SLC39A9: variants seen among roughly 807,000 people sequenced by gnomAD.
SLC39A9 encodes zinc transporter ZIP9.
Under a neutral mutation model 28.4 loss-of-function variants are expected in SLC39A9, and 14 were observed. That is an observed-to-expected ratio of 0.49 (90% CI 0.33 to 0.77). The LOEUF (loss-of-function observed/expected upper bound fraction) is 0.77, where lower values mean the gene tolerates loss of function less well. SLC39A9 is among the 30% of genes least tolerant of loss of function. The pLI is 0.02. For synonymous variants in SLC39A9, 119 were observed against 149.6 expected (o/e 0.80, Z 1.49); for missense variants, 283 against 381.1 (o/e 0.74, Z 2.14).
chr14:69,425,969 T>A (rs1474267801), intron 2 of SLC39A9, among the ~76,000 whole-genome samples: 1 of 152,118 alleles, frequency 6.6e-6, no homozygotes. Flanking sequence ...CCAGCCCAGG[T>A]GTAGTTTAAG....
rs186446331 is a variant in SLC39A9, at chr14:69,423,318, T to C, written c.97-776T>C. Among the ~76,000 whole-genome samples the C allele has an allele frequency of 2.9e-3, 447 of 152,288 alleles. 3 individuals carry two copies. Among genetic ancestry groups the C allele is most frequent in the African/African-American group, 0.01 (435 of 41,572 alleles). ...TGAGTGGTGTGGTACTCTGATGAAA[T>C]TTATAGTTTATTTAGCCAGTCTCCT... On this transcript the variant is annotated intron_variant, in intron 1 of 6. Transcript: ENST00000336643.
At chr14:69,448,782 C>T (rs1211651245) in intron 3 of SLC39A9, among the ~76,000 whole-genome samples, 2 of 152,166 alleles carry the variant, frequency 1.3e-5, no homozygotes, top group Non-Finnish European at 2.9e-5. Flanking sequence ...GATAACTGTA[C>T]TGTGATGATG....
chr14:69,461,862 G>C lies in SLC39A9; in HGVS notation c.*3269G>C, dbSNP rs974947523. 22 of 935,542 alleles carry C rather than the reference G, an allele frequency of 2.4e-5. No individual in the cohort carries two copies. The highest frequency in any genetic ancestry group is 3.1e-5 in the Non-Finnish European group (20 of 640,164). The allele number at this position is 935,542 out of a possible 1,614,324, so 58.0% of individuals were successfully genotyped here. On this transcript the variant is annotated 3_prime_UTR_variant, in exon 7 of 7. Coordinates refer to ENST00000336643, the MANE Select transcript of SLC39A9 (RefSeq NM_018375.5). ...CTTGGGAGACTGAGAATCATGACCAGATTCATCCAGAACTGCTGCAGTGTT... is the reference window on the plus strand; with the variant it reads ...CTTGGGAGACTGAGAATCATGACCACATTCATCCAGAACTGCTGCAGTGTT...
chr14:69,431,790 C>T (rs1021766653), intron 2 of SLC39A9, among the ~76,000 whole-genome samples: 1 of 152,094 alleles, frequency 6.6e-6, no homozygotes, highest in Admixed American at 6.5e-5. Flanking sequence ...TTAGTTCCCA[C>T]TTGTAAGTGA....
At chr14:69,414,856 T>C (rs1883483501) in intron 1 of SLC39A9, among the ~76,000 whole-genome samples, 1 of 152,236 alleles carries the variant, frequency 6.6e-6, no homozygotes, top group South Asian at 2.1e-4. Flanking sequence ...CTTTATAGAT[T>C]AGTTTGGCCT....
At chr14:69,444,258 A>T (rs1436485837) in intron 3 of SLC39A9, among the ~76,000 whole-genome samples, 1 of 152,160 alleles carries the variant, frequency 6.6e-6, no homozygotes, top group African/African-American at 2.4e-5. Flanking sequence ...CATTTTTTTC[A>T]AGTTAAAGTC....
intron 1 of SLC39A9, among the ~76,000 whole-genome samples, chr14:69,401,293 C>T (rs548229686): frequency 1.3e-5 from 2 of 152,148 alleles, no homozygotes; most frequent in African/African-American, 2.4e-5. Context: ...GTCCTCCTTG[C>T]CCTTGAAGCC....
chr14:69,461,399 T>G lies in SLC39A9; in HGVS notation c.*2806T>G, dbSNP rs755343830. On this transcript the variant is annotated 3_prime_UTR_variant, in exon 7 of 7. Coordinates refer to ENST00000336643, the MANE Select transcript of SLC39A9 (RefSeq NM_018375.5). The stretch of plus-strand genomic sequence containing the variant: ...TTCCAGGTTTGATTCAGTTTTCCTG[T>G]GCACACTATTGCCAAATTTTTTTTT... 1.3e-4 allele frequency: 161 copies of G among 1,228,648 alleles called. No individual in the cohort carries two copies. Among genetic ancestry groups the G allele is most frequent in the Non-Finnish European group, 1.6e-4 (158 of 974,554 alleles). 76.1% of individuals were successfully genotyped at this position (1,228,648 alleles called of 1,614,324 possible). A position where few individuals can be genotyped will look rare whatever the true frequency, so the allele number is the denominator to read the frequency against.
chr14:69,430,735 A>G (rs1040843133), intron 2 of SLC39A9, among the ~76,000 whole-genome samples: 3 of 151,164 alleles, frequency 2.0e-5, no homozygotes. Context: ...TGCTCAAACA[A>G]TCCTCCCACT....
chr14:69,403,860 A>G (rs1195634449), intron 1 of SLC39A9, among the ~76,000 whole-genome samples: 1 of 152,128 alleles, frequency 6.6e-6, no homozygotes, highest in Admixed American at 6.5e-5. Context: ...CCTGACCAAC[A>G]CGGAGAAACC....
intron 3 of SLC39A9, among the ~76,000 whole-genome samples, chr14:69,445,356 T>C (rs1430384381): frequency 6.6e-6 from 1 of 152,192 alleles, no homozygotes; most frequent in Non-Finnish European, 1.5e-5. Context: ...GATGAAAACC[T>C]TTATGATGAT....
At chr14:69,455,655 C>A (rs1885822024) in intron 5 of SLC39A9, 77 bp from the exon 6 acceptor site, 2 of 1,564,070 alleles carry the variant, frequency 1.3e-6, no homozygotes, top group Non-Finnish European at 1.7e-6. Flanking sequence ...AAATCATAGT[C>A]AAATGGCATA....
intron 1 of SLC39A9, among the ~76,000 whole-genome samples, chr14:69,415,196 A>G (rs1041073776): frequency 2.6e-5 from 4 of 152,214 alleles, no homozygotes; most frequent in African/African-American, 9.7e-5. Context: ...TAACTTTATA[A>G]GGGACTGCTA....
intron 3 of SLC39A9, among the ~76,000 whole-genome samples, 162 bp downstream of exon 3, chr14:69,442,428 A>C (rs974631669): frequency 6.6e-5 from 10 of 152,156 alleles, no homozygotes; most frequent in Admixed American, 6.6e-4. Context: ...AGAGCTAGTG[A>C]GTTGTGGCAT....
chr14:69,458,322 A>G, intron 6 of SLC39A9, 41 bp from the exon 7 acceptor site: 1 of 1,605,096 alleles, frequency 6.2e-7, no homozygotes, highest in Non-Finnish European at 8.5e-7. Context: ...CCTGAATTTT[A>G]CTTGACTTAG....
chr14:69,456,437 T>G (rs1885865150), intron 6 of SLC39A9, among the ~76,000 whole-genome samples: 1 of 152,240 alleles, frequency 6.6e-6, no homozygotes. Flanking sequence ...AAACCCTTCC[T>G]TAACGGGAAC....
At chr14:69,444,960 C>G (rs1210127511) in intron 3 of SLC39A9, among the ~76,000 whole-genome samples, 2 of 151,646 alleles carry the variant, frequency 1.3e-5, no homozygotes, top group Non-Finnish European at 2.9e-5. Flanking sequence ...AATGCGAAAC[C>G]CTGTCGCTCT....
At chr14:69,456,599 G>T (rs1251372971) in intron 6 of SLC39A9, among the ~76,000 whole-genome samples, 1 of 152,076 alleles carries the variant, frequency 6.6e-6, no homozygotes, top group African/African-American at 2.4e-5. Flanking sequence ...CTCCAAGCTG[G>T]ACCTTCCCAT....
At chr14:69,413,736 A>G (rs188965664) in intron 1 of SLC39A9, among the ~76,000 whole-genome samples, 2 of 152,236 alleles carry the variant, frequency 1.3e-5, no homozygotes, top group Middle Eastern at 3.4e-3. Flanking sequence ...AAATTTTTTT[A>G]TAATGGATTG....
Sources: allele counts gnomAD v4.1 joint callset (sites outside exome capture counted in the v4.1 genomes callset), GRCh38; gene constraint gnomAD v4.1.1; transcripts MANE v1.5; gene names NCBI Gene and HGNC (gene_info 2026-07-23, HGNC 2026-07-21).